The following KCNIP4 variants were observed in gnomAD, a reference collection of about 807,000 sequenced individuals.
KCNIP4 encodes the protein potassium voltage-gated channel interacting protein 4.
A neutral mutation model predicts 34.0 loss-of-function variants in KCNIP4; 12 were observed. The ratio of observed to expected loss-of-function variants is 0.35; its 90% confidence interval spans 0.23 to 0.57. The LOEUF (loss-of-function observed/expected upper bound fraction) is 0.57. Among genes scored for constraint, KCNIP4 ranks in the 20% least tolerant of loss-of-function variants. KCNIP4 has a pLI of 0.83. For missense variants in KCNIP4, 238 were observed against 311.7 expected, an observed-to-expected ratio of 0.76 and a Z score of 1.78; for synonymous variants, 124 against 102.2, an observed-to-expected ratio of 1.21 and a Z score of -1.29.
intron 1 of KCNIP4, among the ~76,000 whole-genome samples, chr4:21,414,469 C>T (rs1724776736): frequency 6.6e-6 from 1 of 152,160 alleles, no homozygotes; most frequent in Non-Finnish European, 1.5e-5. Context: ...TTGAAACCCT[C>T]TCAGGCTCCT....
intron 3 of KCNIP4, among the ~76,000 whole-genome samples, chr4:20,828,239 C>G (rs992030244): frequency 6.6e-6 from 1 of 152,058 alleles, no homozygotes; most frequent in Non-Finnish European, 1.5e-5. Flanking sequence ...CTATCCTGGC[C>G]AACATGGTGA....
intron 1 of KCNIP4, among the ~76,000 whole-genome samples, chr4:21,876,756 TA>T (rs1244616109): frequency 1.3e-5 from 2 of 152,150 alleles, no homozygotes; most frequent in East Asian, 3.9e-4. Context: ...TATTTCATCA[TA>T]AAAAAGTGAG....
At chr4:20,959,574 A>G (rs910952749) in intron 1 of KCNIP4, among the ~76,000 whole-genome samples, 7 of 152,282 alleles carry the variant, frequency 4.6e-5, no homozygotes, top group Admixed American at 2.6e-4. Flanking sequence ...ACTGTTAATC[A>G]TCCCTAAAAT....
intron 1 of KCNIP4, among the ~76,000 whole-genome samples, chr4:20,902,993 G>A (rs1013397252): frequency 2.0e-5 from 3 of 152,112 alleles, no homozygotes; most frequent in Non-Finnish European, 4.4e-5. Context: ...TTGTGCCATT[G>A]TTTCTCATAT....
chr4:21,441,145 T>G (rs1431614403), intron 1 of KCNIP4, among the ~76,000 whole-genome samples: 1 of 150,756 alleles, frequency 6.6e-6, no homozygotes, highest in Non-Finnish European at 1.5e-5. Flanking sequence ...TTCTTTTTTT[T>G]TTTTTTTTCT....
chr4:21,832,463 G>C (rs1723044464), intron 1 of KCNIP4, among the ~76,000 whole-genome samples: 1 of 152,102 alleles, frequency 6.6e-6, no homozygotes, highest in Non-Finnish European at 1.5e-5. Flanking sequence ...GTGTCAATTA[G>C]AGGGAAAAAA....
intron 1 of KCNIP4, among the ~76,000 whole-genome samples, chr4:21,175,711 T>C (rs547646516): frequency 3.3e-5 from 5 of 152,302 alleles, no homozygotes; most frequent in African/African-American, 1.2e-4. Flanking sequence ...AAGGGAGGAT[T>C]CATGTCCCAA....
chr4:21,281,625 TAAG>T (rs1762782051), intron 1 of KCNIP4, among the ~76,000 whole-genome samples: 1 of 152,202 alleles, frequency 6.6e-6, no homozygotes, highest in Non-Finnish European at 1.5e-5. Flanking sequence ...ACTGATATTC[TAAG>T]TAGTCTTTGA....
intron 1 of KCNIP4, among the ~76,000 whole-genome samples, chr4:21,839,094 T>C (rs988366454): frequency 6.6e-6 from 1 of 152,170 alleles, no homozygotes; most frequent in African/African-American, 2.4e-5. Flanking sequence ...AAACACAAAA[T>C]GCTCCATTTC....
intron 3 of KCNIP4, among the ~76,000 whole-genome samples, chr4:20,782,765 A>G (rs143284885): frequency 0.024 from 3,725 of 152,204 alleles, 155 homozygotes; most frequent in East Asian, 0.21. Context: ...CACTTTCCCC[A>G]TTGTCTTGGG....
At chr4:21,649,881 C>A (rs1243664352) in intron 1 of KCNIP4, among the ~76,000 whole-genome samples, 1 of 152,134 alleles carries the variant, frequency 6.6e-6, no homozygotes, top group African/African-American at 2.4e-5. Flanking sequence ...TGGGCAAAAG[C>A]AATTTACAAG....
At chr4:20,737,269 T>C (rs1185333600) in intron 5 of KCNIP4, among the ~76,000 whole-genome samples, 2 of 147,284 alleles carry the variant, frequency 1.4e-5, no homozygotes, top group Non-Finnish European at 3.0e-5. Context: ...GAACAGAGCA[T>C]TTCCCTAGGA....
At position 21,724,903 on chromosome 4, in the gene KCNIP4, C is replaced by T. The variant is rs114978048; in HGVS notation, c.61+223668G>A. Among the ~76,000 whole-genome samples, 1,362 of 152,144 alleles carry T rather than the reference C, an allele frequency of 9.0e-3. 23 individuals carry two copies. The highest frequency in any genetic ancestry group is 0.031 in the African/African-American group (1,297 of 41,516). ...CATACAGTATCCAAAGGTCTTTGGA[C>T]TTCTAGCCTGACATTCTCTTTCCTA... On this transcript the variant is annotated intron_variant, in intron 1 of 8. Transcript: ENST00000382152.
chr4:20,905,509 C>CTTTTTTTTTTTTTTTTTTTTTTTTTTT (rs10686415), intron 1 of KCNIP4, among the ~76,000 whole-genome samples: 5 of 72,798 alleles, frequency 6.9e-5, no homozygotes, highest in Admixed American at 1.9e-4. Context: ...CGTTTTCTTT[C>CTTTTTTTTTTTTTTTTTTTTTTTTTTT]TTTTTTTTTT....
At chr4:20,959,340 T>C (rs1356775674) in intron 1 of KCNIP4, among the ~76,000 whole-genome samples, 1 of 152,204 alleles carries the variant, frequency 6.6e-6, no homozygotes, top group Non-Finnish European at 1.5e-5. Flanking sequence ...GCATTTAACT[T>C]GCTATGGTTT....
intron 6 of KCNIP4, 38 bp from the exon 7 acceptor site, chr4:20,732,823 T>C (rs772145698): frequency 1.6e-6 from 2 of 1,225,076 alleles, no homozygotes; most frequent in East Asian, 2.3e-5. Context: ...GCTGCACACA[T>C]GTATGAAGAA....
chr4:21,128,858 A>G (rs1750832838), intron 1 of KCNIP4, among the ~76,000 whole-genome samples: 1 of 152,232 alleles, frequency 6.6e-6, no homozygotes, highest in African/African-American at 2.4e-5. Flanking sequence ...ATTCTGTGTG[A>G]TAAGTAAAAG....
chr4:21,731,148 C>T (rs1188325085), intron 1 of KCNIP4, among the ~76,000 whole-genome samples: 3 of 150,742 alleles, frequency 2.0e-5, no homozygotes, highest in African/African-American at 7.4e-5. Context: ...TGACAATAGA[C>T]ATTAGCCTTA....
At position 20,729,483 on chromosome 4, in the gene KCNIP4, T is replaced by TGTTTAATAATTTTTAAAC. The variant is rs1384251030; in HGVS notation, c.*598_*599insGTTTAAAAATTATTAAAC. ...ATCTGATAATAAACTAATTTTTAAA[T>TGTTTAATAATTTTTAAAC]GTTTAATAATTTTTAAATGTTTAAA... On this transcript the variant is annotated 3_prime_UTR_variant, in exon 9 of 9. Coordinates refer to ENST00000382152, the MANE Select transcript of KCNIP4 (RefSeq NM_025221.6). The TGTTTAATAATTTTTAAAC allele has an allele frequency of 8.4e-6, 1 of 119,188 alleles. No individual in the cohort carries two copies. The highest frequency in any genetic ancestry group is 3.7e-5 in the African/African-American group (1 of 27,078). The allele number at this position is 119,188 out of a possible 1,614,324, so 7.4% of individuals were successfully genotyped here. A position where few individuals can be genotyped will look rare whatever the true frequency, so the allele number is the denominator to read the frequency against.
Sources: gnomAD v4.1 joint callset for allele counts (sites outside exome capture counted in the v4.1 genomes callset) on GRCh38, gnomAD v4.1.1 for gene constraint, MANE v1.5 for transcripts, NCBI Gene and HGNC (gene_info 2026-07-23, HGNC 2026-07-21) for gene names.